FBXO38: variants seen among roughly 807,000 people sequenced by gnomAD.
FBXO38 encodes F-box only protein 38.
A neutral mutation model predicts 131.9 loss-of-function variants in FBXO38; 53 were observed. That is an observed-to-expected ratio of 0.40 (90% CI 0.32 to 0.51). FBXO38 has a LOEUF of 0.51. FBXO38 is among the 20% of genes least tolerant of loss of function. FBXO38 has a pLI of 0.53. For missense variants in FBXO38, 1,076 were observed against 1,475.6 expected, an observed-to-expected ratio of 0.73 and a Z score of 4.44; for synonymous variants, 452 against 505.6, an observed-to-expected ratio of 0.89 and a Z score of 1.42.
chr5:148,400,147 G>A (rs997080473), intron 3 of FBXO38, among the ~76,000 whole-genome samples: 1 of 151,984 alleles, frequency 6.6e-6, no homozygotes, highest in Non-Finnish European at 1.5e-5. Flanking sequence ...AACACCTGAG[G>A]CTGGAGCTTA....
chr5:148,397,097 A>G (rs1321920919), intron 2 of FBXO38, among the ~76,000 whole-genome samples: 1 of 152,142 alleles, frequency 6.6e-6, no homozygotes, highest in Non-Finnish European at 1.5e-5. Flanking sequence ...AAAACAAACA[A>G]TTTTGTTTCA....
intron 13 of FBXO38, among the ~76,000 whole-genome samples, 167 bp from the exon 14 acceptor site, chr5:148,425,355 C>G (rs1753650071): frequency 6.6e-6 from 1 of 152,136 alleles, no homozygotes; most frequent in Non-Finnish European, 1.5e-5. Context: ...AGTTGAGTTG[C>G]TTTCACAGTA....
At chr5:148,401,597 C>T (rs1028269749) in intron 3 of FBXO38, among the ~76,000 whole-genome samples, 1 of 152,082 alleles carries the variant, frequency 6.6e-6, no homozygotes, top group South Asian at 2.1e-4. Context: ...GAAGGTTTTA[C>T]AGACGAGAGT....
At chr5:148,404,483 C>T (rs1012821211) in intron 5 of FBXO38, among the ~76,000 whole-genome samples, 3 of 152,134 alleles carry the variant, frequency 2.0e-5, no homozygotes, top group African/African-American at 4.8e-5. Flanking sequence ...AAAGTTAAGT[C>T]AGTTTATGGT....
chr5:148,397,123 A>G (rs1758521381), intron 2 of FBXO38, among the ~76,000 whole-genome samples: 1 of 152,134 alleles, frequency 6.6e-6, no homozygotes, highest in Non-Finnish European at 1.5e-5. Flanking sequence ...TAGTCTTCTA[A>G]AATTTTGATT....
intron 14 of FBXO38, 115 bp downstream of exon 14, chr5:148,425,816 A>G: frequency 1.2e-6 from 1 of 869,166 alleles, no homozygotes; most frequent in Middle Eastern, 2.4e-4. Flanking sequence ...TGTGACAGGA[A>G]GCAAGAAATG....
chr5:148,430,532 T>C (rs990673854), intron 15 of FBXO38: 4 of 151,986 alleles, frequency 2.6e-5, no homozygotes, highest in Admixed American at 6.6e-5. Context: ...GGTTTCACCA[T>C]GTTGGTCAGG....
chr5:148,424,412 A>C (rs545861126), intron 13 of FBXO38, among the ~76,000 whole-genome samples: 1 of 152,350 alleles, frequency 6.6e-6, no homozygotes, highest in South Asian at 2.1e-4. Flanking sequence ...GTTGATGGGA[A>C]AATAAATGAC....
chr5:148,406,434 C>T (rs755733395), intron 7 of FBXO38, 40 bp downstream of exon 7: 10 of 1,460,634 alleles, frequency 6.8e-6, no homozygotes, highest in Non-Finnish European at 7.3e-6. Flanking sequence ...TTTTAAAAAT[C>T]AACTTAAAAT....
At chr5:148,399,277 G>T (rs770763054) in intron 3 of FBXO38, 145 bp downstream of exon 3, 3 of 874,698 alleles carry the variant, frequency 3.4e-6, no homozygotes, top group Non-Finnish European at 5.1e-6. Flanking sequence ...TATTTATGTT[G>T]GGTTTTAGGT....
Position 148,425,764 on chromosome 5 carries a change from C to A in FBXO38, c.1918+63C>A, listed in dbSNP as rs904325073. ...CACTATCAGAACTGACACACTTGGC[C>A]TTAATATGACAACTTGGGTGCAGTT... On this transcript the variant is annotated intron_variant, in intron 14 of 21. Transcript: ENST00000340253. The A allele has an allele frequency of 2.9e-6, 4 of 1,400,370 alleles. No homozygotes were observed. In the South Asian group the frequency reaches 3.8e-5, roughly 13 times the overall value. 86.7% of individuals were successfully genotyped at this position (1,400,370 alleles called of 1,614,324 possible).
intron 9 of FBXO38, among the ~76,000 whole-genome samples, chr5:148,412,458 A>G (rs946499910): frequency 6.6e-6 from 1 of 152,208 alleles, no homozygotes; most frequent in South Asian, 2.1e-4. Flanking sequence ...AAGGTCTGGC[A>G]GAATAAATAA....
chr5:148,427,884 C>G lies in FBXO38; in HGVS notation c.2590C>G (p.Pro864Ala). 1 of 1,553,080 alleles carries G rather than the reference C, an allele frequency of 6.4e-7. No individual in the cohort carries two copies. ...SCDVQSNEDY[P>A]RRPLTRARSR... ...TGACGTGCAGTCTAATGAAGACTAC[C>G]CTCGGAGGCCCCTAACCAGGGCCAG... Residue 864 changes from proline to alanine, a missense_variant, in exon 15 of 22, where the codon CCT (proline) becomes GCT (alanine). This residue lies in a region of FBXO38 where 282 missense variants were observed against 418.8 expected (regional missense o/e 0.67). Transcript: ENST00000340253.
intron 20 of FBXO38, among the ~76,000 whole-genome samples, chr5:148,440,732 C>T (rs1478089662): frequency 6.6e-6 from 1 of 152,192 alleles, no homozygotes; most frequent in Admixed American, 6.5e-5. Context: ...GGGCTTACAG[C>T]AAGCAGTAAC....
chr5:148,429,478 G>GT (rs1753909335), intron 15 of FBXO38, among the ~76,000 whole-genome samples: 1 of 151,938 alleles, frequency 6.6e-6, no homozygotes, highest in Non-Finnish European at 1.5e-5. Context: ...ATTCTATTCT[G>GT]TTCTGGTGCT....
At position 148,442,022 on chromosome 5, in the gene FBXO38, G is replaced by C. The variant is rs1335136809; in HGVS notation, c.3442G>C (p.Glu1148Gln). The change falls in exon 22 of 22, where the codon GAA (glutamate) becomes CAA (glutamine). Residue 1148 changes from glutamate (E) to glutamine (Q), a missense_variant. Coordinates refer to ENST00000340253, the MANE Select transcript of FBXO38 (RefSeq NM_205836.3). ...KGQLSADICM[E>Q]TIGEEISEMR... The stretch of plus-strand genomic sequence containing the variant: ...ACAGCTGTCTGCAGACATCTGTATG[G>C]AAACAATAGGAGAGGAAATTTCAGA... 6.2e-7 allele frequency: 1 copy of C among 1,614,152 alleles called. No homozygotes were observed. The highest frequency in any genetic ancestry group is 1.7e-5 in the Admixed American group (1 of 60,028).
intron 1 of FBXO38, chr5:148,384,962 A>AT (rs1276866085): frequency 4.6e-5 from 7 of 152,110 alleles, no homozygotes; most frequent in East Asian, 3.9e-4. Flanking sequence ...TGAACTTGAG[A>AT]TTTTTTTATC....
Position 148,425,448 on chromosome 5 carries a change from C to T in FBXO38, c.1739-74C>T, listed in dbSNP as rs576327226. ...CAAAGCATCTCTGTTGATTCCAGAT[C>T]CCTGGAAACAGTACTTTGCATTAGA... is the stretch of plus-strand genomic sequence containing the variant. On this transcript the variant is annotated intron_variant, in intron 13 of 21. Coordinates refer to ENST00000340253, the MANE Select transcript of FBXO38 (RefSeq NM_205836.3). 13 of 1,168,512 alleles carry T rather than the reference C, an allele frequency of 1.1e-5. 2 individuals are homozygous for T. Among genetic ancestry groups the T allele is most frequent in the African/African-American group, 9.2e-5 (6 of 65,512 alleles). 72.4% of individuals were successfully genotyped at this position (1,168,512 alleles called of 1,614,324 possible). A position where few individuals can be genotyped will look rare whatever the true frequency, so the allele number is the denominator to read the frequency against.
intron 15 of FBXO38, 104 bp from the exon 16 acceptor site, chr5:148,433,315 GTAGAT>G (rs1428228304): frequency 1.4e-6 from 1 of 731,994 alleles, no homozygotes; most frequent in African/African-American, 1.8e-5. Context: ...GAACCAAATT[GTAGAT>G]TTGGGAATTA....
Sources: gnomAD v4.1 joint callset for allele counts (sites outside exome capture counted in the v4.1 genomes callset) on GRCh38, gnomAD v4.1.1 for gene constraint, gnomAD v4.1.1 regional missense constraint, MANE v1.5 for transcripts, NCBI Gene and HGNC (gene_info 2026-07-23, HGNC 2026-07-21) for gene names.